RAB38: variants seen among roughly 807,000 people sequenced by gnomAD.
The protein encoded by RAB38 is RAB38, member RAS oncogene family.
RAB38 carries 15 observed loss-of-function variants against 18.4 expected under a neutral mutation model. That is an observed-to-expected ratio of 0.82 (90% CI 0.55 to 1.26). RAB38 has a LOEUF of 1.26. RAB38 is among the 50% of genes most tolerant of loss of function. RAB38 has a pLI of 0.00. For synonymous variants in RAB38, 101 were observed against 104.4 expected, an observed-to-expected ratio of 0.97 and a Z score of 0.20; for missense variants, 294 against 267.4, an observed-to-expected ratio of 1.10 and a Z score of -0.69.
At chr11:88,153,039 A>C (rs11606332) in intron 1 of RAB38, among the ~76,000 whole-genome samples, 37,411 of 152,184 alleles carry the variant, frequency 0.25, 4,638 homozygotes, top group Admixed American at 0.27. Flanking sequence ...GGAAAGCAAT[A>C]AACCAAATCA....
chr11:88,081,458 G>A, the RAB38 span, among the ~76,000 whole-genome samples: 1 of 151,954 alleles, frequency 6.6e-6, no homozygotes, highest in Non-Finnish European at 1.5e-5. Flanking sequence ...AGTTATGGAT[G>A]TTAAGGTGCT....
intron 2 of RAB38, among the ~76,000 whole-genome samples, chr11:88,142,850 C>CT (rs1942933719): frequency 6.6e-6 from 1 of 152,178 alleles, no homozygotes; most frequent in Non-Finnish European, 1.5e-5. Flanking sequence ...AAGGCCTTTC[C>CT]CTTATCCAAC....
the RAB38 span, among the ~76,000 whole-genome samples, chr11:87,808,770 GATAA>G: frequency 6.6e-6 from 1 of 151,790 alleles, no homozygotes; most frequent in Non-Finnish European, 1.5e-5. Context: ...TGTTTTACTT[GATAA>G]ATACATACAA....
At chr11:87,968,506 T>C in the RAB38 span, among the ~76,000 whole-genome samples, 2 of 152,144 alleles carry the variant, frequency 1.3e-5, no homozygotes, top group African/African-American at 2.4e-5. Context: ...CATCTTTCCA[T>C]AGAATGGAAC....
the RAB38 span, among the ~76,000 whole-genome samples, chr11:87,902,658 T>A: frequency 8.6e-5 from 13 of 151,556 alleles, no homozygotes; most frequent in African/African-American, 3.1e-4. Flanking sequence ...ATGCAGCGTA[T>A]CTTACTATTT....
At chr11:87,811,125 C>T in the RAB38 span, among the ~76,000 whole-genome samples, 2 of 152,276 alleles carry the variant, frequency 1.3e-5, no homozygotes, top group South Asian at 4.1e-4. Flanking sequence ...TGTGCAGTGC[C>T]CTCCTTACCC....
At chr11:88,145,645 C>G (rs1209279365) in intron 2 of RAB38, among the ~76,000 whole-genome samples, 2 of 152,060 alleles carry the variant, frequency 1.3e-5, no homozygotes, top group Non-Finnish European at 2.9e-5. Flanking sequence ...AGGGCAGGGT[C>G]TTTATCCTAA....
chr11:87,854,161 A>G, the RAB38 span, among the ~76,000 whole-genome samples: 1 of 152,138 alleles, frequency 6.6e-6, no homozygotes, highest in Non-Finnish European at 1.5e-5. Context: ...TTTGCCATAT[A>G]AGGTGATATA....
At chr11:88,074,711 A>AATTGATT in the RAB38 span, among the ~76,000 whole-genome samples, 2 of 152,174 alleles carry the variant, frequency 1.3e-5, no homozygotes, top group African/African-American at 4.8e-5. Flanking sequence ...CTTATCAATA[A>AATTGATT]TACCAGTGAA....
chr11:87,847,406 A>G, the RAB38 span, among the ~76,000 whole-genome samples: 43 of 152,130 alleles, frequency 2.8e-4, no homozygotes, highest in Non-Finnish European at 4.7e-4. Context: ...CATGAAACAG[A>G]TTTCTTAAGA....
At chr11:88,070,465 C>T in the RAB38 span, among the ~76,000 whole-genome samples, 2 of 152,202 alleles carry the variant, frequency 1.3e-5, no homozygotes, top group Non-Finnish European at 2.9e-5. Context: ...ACCAAGAACC[C>T]ACCAGTTCCA....
chr11:88,119,714 A>G (rs562541576), intron 2 of RAB38, among the ~76,000 whole-genome samples: 41 of 152,132 alleles, frequency 2.7e-4, no homozygotes, highest in Admixed American at 1.0e-3. Context: ...ACATCTGCCT[A>G]GTTAGAAGCT....
the RAB38 span, among the ~76,000 whole-genome samples, chr11:87,850,970 A>T: frequency 6.6e-6 from 1 of 152,130 alleles, no homozygotes; most frequent in Admixed American, 6.6e-5. Flanking sequence ...ACACACAAAG[A>T]CTGATTCAGC....
the RAB38 span, among the ~76,000 whole-genome samples, chr11:88,037,839 A>G: frequency 6.6e-6 from 1 of 152,200 alleles, no homozygotes; most frequent in Non-Finnish European, 1.5e-5. Flanking sequence ...TATCTTATAT[A>G]TCTTCTTTGG....
chr11:88,045,730 G>A, the RAB38 span, among the ~76,000 whole-genome samples: 1 of 152,120 alleles, frequency 6.6e-6, no homozygotes, highest in Admixed American at 6.5e-5. Flanking sequence ...TCTCACAGTG[G>A]AGGTCAAGTC....
the RAB38 span, among the ~76,000 whole-genome samples, chr11:87,835,216 G>A: frequency 6.6e-6 from 1 of 152,198 alleles, no homozygotes; most frequent in African/African-American, 2.4e-5. Context: ...GAAACCAAGG[G>A]AAGCCAAGGG....
At chr11:87,832,636 C>T in the RAB38 span, among the ~76,000 whole-genome samples, 2 of 152,140 alleles carry the variant, frequency 1.3e-5, no homozygotes, top group African/African-American at 4.8e-5. Flanking sequence ...AGAGGCAGCA[C>T]GGCGTGCCAA....
chr11:88,006,220 A>G, the RAB38 span, among the ~76,000 whole-genome samples: 1 of 151,690 alleles, frequency 6.6e-6, no homozygotes, highest in South Asian at 2.1e-4. Context: ...AATCAAAACT[A>G]CAATATCACC....
intron 2 of RAB38, among the ~76,000 whole-genome samples, chr11:88,120,195 C>CA (rs1942611884): frequency 1.3e-5 from 2 of 152,186 alleles, no homozygotes; most frequent in African/African-American, 4.8e-5. Flanking sequence ...TTAATCACCA[C>CA]AATAACTCTG....
Sources: gnomAD v4.1 joint callset for allele counts (sites outside exome capture counted in the v4.1 genomes callset) on GRCh38, gnomAD v4.1.1 for gene constraint, MANE v1.5 for transcripts, NCBI Gene and HGNC (gene_info 2026-07-23, HGNC 2026-07-21) for gene names.